Variants in NR2C1 observed in about 807,000 individuals in gnomAD.
NR2C1 encodes the protein TR2 nuclear hormone receptor.
NR2C1 carries 33 observed loss-of-function variants against 74.8 expected under a neutral mutation model. The ratio of observed to expected loss-of-function variants is 0.44; its 90% CI spans 0.33 to 0.59. The LOEUF is 0.59. Ranked by LOEUF, NR2C1 falls within the 20% of genes least tolerant of loss-of-function variation. The probability of loss-of-function intolerance (pLI) is 0.02; values close to 1 mark genes in which losing one functional copy is unlikely to be tolerated. For missense variants in NR2C1, 568 were observed against 715.6 expected (o/e 0.79, Z 2.35); for synonymous variants, 225 against 240.6 (o/e 0.94, Z 0.60).
intron 7 of NR2C1, among the ~76,000 whole-genome samples, chr12:95,054,546 C>T (rs890393443): frequency 6.6e-6 from 1 of 152,048 alleles, no homozygotes; most frequent in Non-Finnish European, 1.5e-5. Context: ...TCAAGGAACT[C>T]TTCAACTTCA....
intron 9 of NR2C1, among the ~76,000 whole-genome samples, chr12:95,046,697 G>C (rs570191458): frequency 6.6e-6 from 1 of 152,322 alleles, no homozygotes; most frequent in South Asian, 2.1e-4. Flanking sequence ...AAATGCAACA[G>C]AGGAACAAAA....
Position 95,020,318 on chromosome 12 carries a change from T to C in NR2C1, c.*1911A>G, listed in dbSNP as rs1868662178. ...GTCACATTTTAATATAGTTTTAAAG[T>C]CTTCCAAATATAGTAGCAAATTTAA... On this transcript the variant is annotated 3_prime_UTR_variant, in exon 14 of 14. Coordinates refer to ENST00000333003, the MANE Select transcript of NR2C1 (RefSeq NM_003297.4). The C allele has an allele frequency of 6.6e-6, 1 of 152,192 alleles. No homozygotes were observed. Among genetic ancestry groups the C allele is most frequent in the African/African-American group, 2.4e-5 (1 of 41,446 alleles). 9.4% of individuals were successfully genotyped at this position (152,192 alleles called of 1,614,324 possible).
intron 5 of NR2C1, 67 bp from the exon 6 acceptor site, chr12:95,057,945 T>G: frequency 7.3e-7 from 1 of 1,361,566 alleles, no homozygotes; most frequent in Non-Finnish European, 1.0e-6. Flanking sequence ...ATGTAAGCTG[T>G]AGGTAAGCTT....
intron 10 of NR2C1, among the ~76,000 whole-genome samples, chr12:95,036,471 C>T (rs1278392721): frequency 2.0e-5 from 3 of 151,106 alleles, no homozygotes; most frequent in Non-Finnish European, 2.9e-5. Flanking sequence ...CAAATAGGTA[C>T]AGGTATTTTT....
intron 8 of NR2C1, among the ~76,000 whole-genome samples, chr12:95,051,166 CA>C (rs1872952497): frequency 6.6e-6 from 1 of 152,058 alleles, no homozygotes. Flanking sequence ...TACTAAAATC[CA>C]AAATGCTCTA....
intron 10 of NR2C1, among the ~76,000 whole-genome samples, chr12:95,034,243 A>T (rs1169793322): frequency 6.6e-6 from 1 of 152,148 alleles, no homozygotes; most frequent in East Asian, 1.9e-4. Flanking sequence ...TCTCTTTTCC[A>T]TTCAGTATCC....
At chr12:95,046,407 G>A (rs1872321583) in intron 9 of NR2C1, among the ~76,000 whole-genome samples, 19 of 152,268 alleles carry the variant, frequency 1.2e-4, no homozygotes. Flanking sequence ...ACAACAAAGT[G>A]AGATCCCATC....
At position 95,058,380 on chromosome 12, in the gene NR2C1, A is replaced by T; in HGVS notation, c.474T>A (p.Asn158Lys). Residue 158 changes from asparagine to lysine, a missense_variant, in exon 5 of 14, where the codon AAT becomes AAA. Physicochemically the swap from Asn to Lys is moderately conservative, Grantham distance 94 (BLOSUM62 0). This residue lies in a region of NR2C1 where 44 missense variants were observed against 95.6 expected (regional missense o/e 0.46). Transcript: ENST00000333003. ...ATTGACAGCGGTTTCGGTGGTGCTTATTAATAATACAATCCTTTGATCCTC... is the reference window on the plus strand; with the variant it reads ...ATTGACAGCGGTTTCGGTGGTGCTTTTTAATAATACAATCCTTTGATCCTC... ...SCRGSKDCII[N>K]KHHRNRCQYC... 1 of 1,613,828 alleles carries T rather than the reference A, an allele frequency of 6.2e-7. No homozygotes were observed. The highest frequency in any genetic ancestry group is 1.7e-5 in the Admixed American group (1 of 59,988).
intron 11 of NR2C1, among the ~76,000 whole-genome samples, chr12:95,030,096 G>A (rs143976283): frequency 1.1e-3 from 167 of 152,130 alleles, no homozygotes; most frequent in African/African-American, 3.6e-3. Flanking sequence ...GGCTAGTCTC[G>A]AACTCCTAGG....
intron 9 of NR2C1, among the ~76,000 whole-genome samples, chr12:95,042,897 G>C (rs1871753596): frequency 7.5e-6 from 1 of 134,166 alleles, no homozygotes; most frequent in Non-Finnish European, 1.5e-5. Flanking sequence ...AGTAGTTCAA[G>C]ACCGGCCTGG....
At chr12:95,038,707 G>A (rs966244478) in intron 10 of NR2C1, among the ~76,000 whole-genome samples, 4 of 152,186 alleles carry the variant, frequency 2.6e-5, no homozygotes, top group African/African-American at 9.7e-5. Flanking sequence ...GCAGTGAGCC[G>A]AGATCACGCT....
At chr12:95,062,799 A>T (rs954472616) in intron 2 of NR2C1, 61 bp from the exon 3 acceptor site, 1 of 1,293,500 alleles carries the variant, frequency 7.7e-7, no homozygotes, top group Non-Finnish European at 1.1e-6. Flanking sequence ...TGACACAATT[A>T]TCTTCTTAGA....
chr12:95,039,740 G>GC (rs1397153482), intron 10 of NR2C1, among the ~76,000 whole-genome samples: 6 of 152,114 alleles, frequency 3.9e-5, no homozygotes, highest in Admixed American at 2.6e-4. Flanking sequence ...AAAGTGATTG[G>GC]CCCCCCTTAG....
At position 95,041,828 on chromosome 12, in the gene NR2C1, C is replaced by CA. The variant is rs534118641; in HGVS notation, c.1132-1232dup. Among the ~76,000 whole-genome samples the CA allele has an allele frequency of 5.3e-5, 8 of 152,128 alleles. 1 individual carries two copies. The highest frequency in any genetic ancestry group is 2.6e-4 in the Admixed American group (4 of 15,278). Reference sequence around the variant, plus strand: ...CCAGCAAAATACTTGCATACATGCACAAAAAAAGCATGTGTAAGGATGTCC... The same window carrying CA: ...CCAGCAAAATACTTGCATACATGCACAAAAAAAAGCATGTGTAAGGATGTCC... On this transcript the variant is annotated intron_variant, in intron 9 of 13. Transcript: ENST00000333003.
At chr12:95,065,949 C>CA (rs35546696) in intron 2 of NR2C1, among the ~76,000 whole-genome samples, 11,543 of 111,666 alleles carry the variant, frequency 0.1, 682 homozygotes, top group African/African-American at 0.2. Context: ...GACTTTGTCT[C>CA]AAAAAAAAAA....
chr12:95,052,501 G>C (rs1167113720), intron 7 of NR2C1, among the ~76,000 whole-genome samples: 1 of 152,130 alleles, frequency 6.6e-6, no homozygotes, highest in Non-Finnish European at 1.5e-5. Context: ...TTGTCACCCA[G>C]ACTGGAGTAC....
chr12:95,051,714 T>C, intron 8 of NR2C1, 48 bp downstream of exon 8: 1 of 1,484,740 alleles, frequency 6.7e-7, no homozygotes, highest in East Asian at 2.3e-5. Flanking sequence ...TAAGAAATAC[T>C]GAAAGACATG....
intron 9 of NR2C1, among the ~76,000 whole-genome samples, chr12:95,041,084 C>T (rs923661838): frequency 2.6e-5 from 4 of 152,188 alleles, no homozygotes; most frequent in Non-Finnish European, 5.9e-5. Context: ...ATAAAGGACA[C>T]AGCTGTGAAT....
rs553033405 is a variant in NR2C1 at position 95,027,330 on chromosome 12, C to T, written c.1531+1057G>A. On this transcript the variant is annotated intron_variant, in intron 12 of 13. Coordinates refer to ENST00000333003, the MANE Select transcript of NR2C1 (RefSeq NM_003297.4). Reference sequence around the variant, plus strand: ...TCAGCCTCCCAAAATGTGAGGATTACAGGCATGAGCTACTGCGCCCTGCCA... The same window carrying T: ...TCAGCCTCCCAAAATGTGAGGATTATAGGCATGAGCTACTGCGCCCTGCCA... Among the ~76,000 whole-genome samples the T allele has an allele frequency of 6.8e-4, 103 of 152,294 alleles. 1 individual carries two copies. Among genetic ancestry groups the T allele is most frequent in the Non-Finnish European group, 1.2e-3 (80 of 68,040 alleles).
Sources: allele counts gnomAD v4.1 joint callset (sites outside exome capture counted in the v4.1 genomes callset), GRCh38; gene constraint gnomAD v4.1.1; regional missense constraint gnomAD v4.1.1; transcripts MANE v1.5; gene names NCBI Gene and HGNC (gene_info 2026-07-23, HGNC 2026-07-21).